The following IARS2 variants were observed in gnomAD, a reference collection of about 807,000 sequenced individuals.
IARS2 encodes isoleucyl-tRNA synthetase 2, mitochondrial, also known as isoleucine--tRNA ligase, mitochondrial.
Under a neutral mutation model 126.3 loss-of-function variants are expected in IARS2, and 56 were observed. The observed-to-expected ratio is 0.44, with a 90% CI of 0.36 to 0.55. IARS2 has a LOEUF of 0.55. Ranked by LOEUF, IARS2 falls within the 20% of genes least tolerant of loss-of-function variation. The pLI is 0.00. For synonymous variants in IARS2, 407 were observed against 441.1 expected (o/e 0.92, Z 0.97); for missense variants, 1,127 against 1,245.9 (o/e 0.90, Z 1.44).
Position 220,142,970 on chromosome 1 carries a change from TG to T in IARS2, c.2589del (p.Trp863Ter). Reference sequence around the variant, plus strand: ...GCCCAAGAGTGTTTTCCGTACTGGGTGGATTAGTACTAGTTCTATCTGGAAA... The same window carrying T: ...GCCCAAGAGTGTTTTCCGTACTGGGTGATTAGTACTAGTTCTATCTGGAAA... The part of the protein sequence containing the change: ...KEPKSVFRTG[W>X]ISTSSIWKKP... On this transcript the variant is annotated frameshift_variant, in exon 21 of 23. Coordinates refer to ENST00000366922, the MANE Select transcript of IARS2 (RefSeq NM_018060.4). LOFTEE classifies it high-confidence loss of function. 6.2e-7 allele frequency: 1 copy of T among 1,613,396 alleles called. No individual in the cohort carries two copies. The highest frequency in any genetic ancestry group is 8.5e-7 in the Non-Finnish European group (1 of 1,179,544).
At chr1:220,116,697 T>C (rs1253803030) in intron 12 of IARS2, among the ~76,000 whole-genome samples, 2 of 152,114 alleles carry the variant, frequency 1.3e-5, no homozygotes, top group Non-Finnish European at 2.9e-5. Context: ...TGTAAACTAC[T>C]AATATCTTAA....
rs1186000971 is a variant in IARS2, at chr1:220,146,517, C to CA, written c.2896+886dup. On this transcript the variant is annotated intron_variant, in intron 22 of 22. Coordinates refer to ENST00000366922, the MANE Select transcript of IARS2 (RefSeq NM_018060.4). The stretch of plus-strand genomic sequence containing the variant: ...TGGGCGACAGAGCGAGACTCCGTCT[C>CA]AAAAAAAAAAAAAAAAAAAAAAGCA... Among the ~76,000 whole-genome samples the CA allele has an allele frequency of 5.7e-3, 353 of 61,718 alleles. 13 individuals carry two copies. The highest frequency in any genetic ancestry group is 7.4e-3 in the Non-Finnish European group (239 of 32,300). 40.5% of individuals were successfully genotyped at this position (61,718 alleles called of 152,430 possible).
chr1:220,145,754 T>C (rs537015721), intron 22 of IARS2, 101 bp downstream of exon 22: 6 of 942,908 alleles, frequency 6.4e-6, no homozygotes, highest in Admixed American at 6.3e-5. Flanking sequence ...AAGGTAGATA[T>C]ATACTTGGAA....
At chr1:220,112,670 CA>C (rs1326580258) in intron 11 of IARS2, among the ~76,000 whole-genome samples, 1 of 148,936 alleles carries the variant, frequency 6.7e-6, no homozygotes, top group Non-Finnish European at 1.5e-5. Flanking sequence ...CCTATCCTCC[CA>C]CGTCAGCCTC....
chr1:220,099,086 G>A (rs1263301168), intron 2 of IARS2, among the ~76,000 whole-genome samples: 7 of 151,838 alleles, frequency 4.6e-5, no homozygotes, highest in East Asian at 1.9e-4. Flanking sequence ...GGTGGCATGT[G>A]CCTGTAATCC....
chr1:220,136,896 C>T lies in IARS2; in HGVS notation c.2034C>T (p.Val678=), dbSNP rs1303581759. The change falls in exon 16 of 23, where the codon GTC becomes GTT. Residue 678 remains valine (V), a synonymous_variant. Transcript: ENST00000366922. ...SLGNVIHPDV[V]VNGGQDQSKE... is the part of the protein sequence containing the mutation. ...GGAATGTCATTCATCCTGATGTTGTCGTTAATGGAGGACAAGTAGGTGATT... is the reference window on the plus strand; with the variant it reads ...GGAATGTCATTCATCCTGATGTTGTTGTTAATGGAGGACAAGTAGGTGATT... 9 of 1,599,188 alleles carry T rather than the reference C, an allele frequency of 5.6e-6. No individual in the cohort carries two copies. Among genetic ancestry groups the T allele is most frequent in the African/African-American group, 2.7e-5 (2 of 74,456 alleles).
At position 220,104,454 on chromosome 1, in the gene IARS2, G is replaced by T. The variant is rs577577744; in HGVS notation, c.1066+892G>T. ...GCTGGAGTGCAGTGGTGCCATCTTG[G>T]CTCACTGCAGCCTCTGGATCCTAGG... On this transcript the variant is annotated intron_variant, in intron 8 of 22. Coordinates refer to ENST00000366922, the MANE Select transcript of IARS2 (RefSeq NM_018060.4). Among the ~76,000 whole-genome samples, 32 of 152,290 alleles carry T rather than the reference G, an allele frequency of 2.1e-4. No homozygotes were observed. In the East Asian group the frequency reaches 6.0e-3, roughly 28 times the overall value.
intron 12 of IARS2, chr1:220,118,067 T>G: frequency 4.6e-6 from 2 of 434,908 alleles, no homozygotes; most frequent in South Asian, 3.5e-5. Context: ...TAAAACAGGC[T>G]GAAAATCTTT....
intron 14 of IARS2, among the ~76,000 whole-genome samples, chr1:220,128,811 G>A (rs543779367): frequency 5.3e-5 from 8 of 151,970 alleles, no homozygotes; most frequent in Non-Finnish European, 1.2e-4. Flanking sequence ...TTAAGTGCAC[G>A]TTATATTTGG....
rs1045852223 is a variant in IARS2 at position 220,136,461 on chromosome 1, C to T, written c.1947-348C>T. On this transcript the variant is annotated intron_variant, in intron 15 of 22. Coordinates refer to ENST00000366922, the MANE Select transcript of IARS2 (RefSeq NM_018060.4). ...TTGACTTTTAAGGAAAGGTTTCGGC[C>T]GGGCAGGGTGGCTCATACCTGTAAT... 3.3e-5 allele frequency among the ~76,000 whole-genome samples: 5 copies of T among 151,858 alleles called. 1 individual carries two copies. The South Asian group carries it at 6.2e-4, about 19-fold the overall frequency.
chr1:220,124,901 G>A (rs1657121384), intron 12 of IARS2, among the ~76,000 whole-genome samples: 1 of 152,214 alleles, frequency 6.6e-6, no homozygotes. Context: ...GGGAACCACT[G>A]TAATCTTTCA....
intron 8 of IARS2, among the ~76,000 whole-genome samples, chr1:220,104,113 A>G (rs561724049): frequency 6.6e-6 from 1 of 152,342 alleles, no homozygotes; most frequent in Admixed American, 6.5e-5. Flanking sequence ...AGCTGGGACT[A>G]TAGGCACATG....
chr1:220,095,091 T>G (rs767156541), intron 1 of IARS2, among the ~76,000 whole-genome samples: 5 of 152,106 alleles, frequency 3.3e-5, no homozygotes, highest in African/African-American at 9.7e-5. Context: ...CAGGCTGGAG[T>G]GCAATGGCGC....
At position 220,096,240 on chromosome 1, in the gene IARS2, A is replaced by G. The variant is rs1453073752; in HGVS notation, c.390+14A>G. 3.9e-6 allele frequency: 6 copies of G among 1,521,088 alleles called. No individual in the cohort carries two copies. Among genetic ancestry groups the G allele is most frequent in the Middle Eastern group, 1.8e-4 (1 of 5,702 alleles). 94.2% of individuals were successfully genotyped at this position (1,521,088 alleles called of 1,614,324 possible). A position where few individuals can be genotyped will look rare whatever the true frequency, so the allele number is the denominator to read the frequency against. ...GCTTTAAATAAGGTAACTATAATTTAGGTTATGACACTTGAAAGAAAGTGT... is the reference window on the plus strand; with the variant it reads ...GCTTTAAATAAGGTAACTATAATTTGGGTTATGACACTTGAAAGAAAGTGT... On this transcript the variant is annotated intron_variant, in intron 2 of 22. Transcript: ENST00000366922.
chr1:220,146,419 GGGGT>G (rs1657590827), intron 22 of IARS2, among the ~76,000 whole-genome samples: 2 of 151,562 alleles, frequency 1.3e-5, no homozygotes, highest in African/African-American at 4.8e-5. Flanking sequence ...TGGGGAGGCT[GGGGT>G]GGGAGAATGG....
intron 13 of IARS2, among the ~76,000 whole-genome samples, chr1:220,125,787 A>T (rs973471779): frequency 6.6e-5 from 10 of 152,030 alleles, no homozygotes; most frequent in African/African-American, 2.4e-4. Context: ...TGGGTGACAG[A>T]GTGAGAGCCC....
intron 7 of IARS2, 84 bp downstream of exon 7, chr1:220,102,861 G>A: frequency 1.3e-6 from 1 of 782,250 alleles, no homozygotes; most frequent in Non-Finnish European, 2.1e-6. Flanking sequence ...ATTTTATCCT[G>A]TTTATTATTG....
chr1:220,146,400 C>T (rs1393202558), intron 22 of IARS2, among the ~76,000 whole-genome samples: 1 of 151,438 alleles, frequency 6.6e-6, no homozygotes. Flanking sequence ...TGCCTGTAGT[C>T]CCATCTGCTG....
chr1:220,102,419 A>T lies in IARS2; in HGVS notation c.749+7A>T, dbSNP rs1378801687. The T allele has an allele frequency of 6.2e-7, 1 of 1,613,390 alleles. No homozygotes were observed. Among genetic ancestry groups the T allele is most frequent in the African/African-American group, 1.3e-5 (1 of 74,898 alleles). On this transcript the variant is annotated splice_region_variant and intron_variant, in intron 5 of 22. Transcript: ENST00000366922. ...TTTGGTCTCCGTCATCTAGGTATATATGCATTTTTCGGTAATTAAAAGGGA... is the reference window on the plus strand; with the variant it reads ...TTTGGTCTCCGTCATCTAGGTATATTTGCATTTTTCGGTAATTAAAAGGGA...
Sources: allele counts gnomAD v4.1 joint callset (sites outside exome capture counted in the v4.1 genomes callset), GRCh38; gene constraint gnomAD v4.1.1; transcripts MANE v1.5; gene names NCBI Gene and HGNC (gene_info 2026-07-23, HGNC 2026-07-21).